CEMIP2: variants seen among roughly 807,000 people sequenced by gnomAD.
The protein encoded by CEMIP2 is cell migration inducing hyaluronidase 2, also known as cell surface hyaluronidase CEMIP2.
In CEMIP2, 79 loss-of-function variants were observed where a neutral mutation model predicts 146.9. The ratio of observed to expected loss-of-function variants is 0.54; its 90% CI spans 0.45 to 0.65. The LOEUF (loss-of-function observed/expected upper bound fraction) is 0.65, where lower values mean the gene tolerates loss of function less well. Ranked by LOEUF, CEMIP2 falls within the 30% of genes least tolerant of loss-of-function variation. The pLI, the probability that CEMIP2 is intolerant of heterozygous loss-of-function variation, is 0.00. For synonymous variants in CEMIP2, 601 were observed against 606.3 expected (o/e 0.99, Z 0.13); for missense variants, 1,596 against 1,696.2 (o/e 0.94, Z 1.04).
chr9:71,766,121 T>C (rs539193850), intron 1 of CEMIP2, among the ~76,000 whole-genome samples: 3 of 150,078 alleles, frequency 2.0e-5, no homozygotes, highest in South Asian at 4.2e-4. Flanking sequence ...TAGGTTGGAG[T>C]GTAGTGGCAC....
At chr9:71,750,541 A>G (rs1316429314) in intron 1 of CEMIP2, among the ~76,000 whole-genome samples, 156 bp from the exon 2 acceptor site, 1 of 152,038 alleles carries the variant, frequency 6.6e-6, no homozygotes, top group East Asian at 1.9e-4. Context: ...TCCCAGGTTC[A>G]AGTGATTCTC....
intron 21 of CEMIP2, 109 bp from the exon 22 acceptor site, chr9:71,690,355 T>C (rs1393235933): frequency 1.6e-5 from 21 of 1,329,098 alleles, no homozygotes; most frequent in Non-Finnish European, 2.0e-5. Context: ...TGATTCAAAG[T>C]ATATTTCCAA....
chr9:71,744,892 T>A, intron 4 of CEMIP2, 126 bp downstream of exon 4: 1 of 994,112 alleles, frequency 1.0e-6, no homozygotes, highest in Non-Finnish European at 1.5e-6. Context: ...CTACCAGACA[T>A]GCAAATGGTA....
chr9:71,700,493 A>T (rs1822527657), intron 19 of CEMIP2, 149 bp downstream of exon 19: 1 of 774,502 alleles, frequency 1.3e-6, no homozygotes, highest in Non-Finnish European at 2.0e-6. Context: ...GAGCCATTCT[A>T]GTTCCCCTCT....
chr9:71,747,941 T>G (rs1589162867), intron 2 of CEMIP2, among the ~76,000 whole-genome samples: 1 of 152,332 alleles, frequency 6.6e-6, no homozygotes, highest in African/African-American at 2.4e-5. Flanking sequence ...AGTATCACTA[T>G]TATACTAAAA....
chr9:71,737,645 A>G (rs956763434), intron 5 of CEMIP2, among the ~76,000 whole-genome samples: 1 of 152,132 alleles, frequency 6.6e-6, no homozygotes, highest in African/African-American at 2.4e-5. Context: ...CTCTAAGACT[A>G]TAAGCATGAG....
Position 71,746,317 on chromosome 9 carries a change from C to T in CEMIP2, c.356G>A (p.Arg119His), listed in dbSNP as rs150358386. ...PDENCPDQNP[R>H]LRNWDPGQDS... ...TTGTCCTGGATCCCAATTCCTGAGACGAGGATTTTGATCTGGGCAATTTTC... is the reference window on the plus strand; with the variant it reads ...TTGTCCTGGATCCCAATTCCTGAGATGAGGATTTTGATCTGGGCAATTTTC... The change falls in exon 3 of 24, where the codon CGT (arginine) becomes CAT (histidine). Residue 119 changes from arginine to histidine, a missense_variant. Coordinates refer to ENST00000377044, the MANE Select transcript of CEMIP2 (RefSeq NM_013390.3). The T allele has an allele frequency of 4.2e-5, 67 of 1,613,770 alleles. No homozygotes were observed. The highest frequency in any genetic ancestry group is 3.2e-4 in the African/African-American group (24 of 74,980).
chr9:71,724,638 T>C (rs1344777171), intron 11 of CEMIP2, among the ~76,000 whole-genome samples: 1 of 152,060 alleles, frequency 6.6e-6, no homozygotes, highest in African/African-American at 2.4e-5. Context: ...ATAAACCAAA[T>C]GTATTTATCA....
At chr9:71,702,833 T>G (rs984181949) in intron 18 of CEMIP2, among the ~76,000 whole-genome samples, 11 of 152,196 alleles carry the variant, frequency 7.2e-5, no homozygotes, top group Non-Finnish European at 1.5e-4. Context: ...GCTCAGCATT[T>G]TTTTTCACTT....
chr9:71,734,008 C>A (rs1411665155), intron 6 of CEMIP2, among the ~76,000 whole-genome samples: 1 of 151,952 alleles, frequency 6.6e-6, no homozygotes, highest in African/African-American at 2.4e-5. Context: ...CCATGCCTGG[C>A]TAATGTTTTT....
intron 20 of CEMIP2, among the ~76,000 whole-genome samples, chr9:71,697,045 A>C (rs926283068): frequency 3.3e-5 from 5 of 152,238 alleles, no homozygotes; most frequent in African/African-American, 1.2e-4. Context: ...AAAAATTATC[A>C]GTGGAACTCA....
chr9:71,695,918 C>T (rs551591995), intron 20 of CEMIP2, among the ~76,000 whole-genome samples: 2 of 152,008 alleles, frequency 1.3e-5, no homozygotes, highest in South Asian at 2.1e-4. Flanking sequence ...GACTTTGAGA[C>T]CAGCCTAGGC....
chr9:71,758,847 A>G (rs1824541353), intron 1 of CEMIP2, among the ~76,000 whole-genome samples: 1 of 152,210 alleles, frequency 6.6e-6, no homozygotes, highest in Non-Finnish European at 1.5e-5. Flanking sequence ...AAGATTTTCC[A>G]CAGGACATGC....
chr9:71,694,372 C>T, intron 21 of CEMIP2, 137 bp downstream of exon 21: 1 of 615,912 alleles, frequency 1.6e-6, no homozygotes. Context: ...ATCTGCCCAC[C>T]TTGGCCTCCC....
At position 71,745,668 on chromosome 9, in the gene CEMIP2, C is replaced by T. The variant is rs190893898; in HGVS notation, c.473-89G>A. The T allele has an allele frequency of 1.9e-4, 245 of 1,310,964 alleles. No homozygotes were observed. In the African/African-American group the frequency reaches 3.1e-3, roughly 16 times the overall value. 81.2% of individuals were successfully genotyped at this position (1,310,964 alleles called of 1,614,324 possible). On this transcript the variant is annotated intron_variant, in intron 3 of 23. Transcript: ENST00000377044. The stretch of plus-strand genomic sequence containing the variant: ...ATTTCACCTTAAGTTAAATACACTT[C>T]CGCAATTAGGTCGGAAAAAAGAATT...
chr9:71,692,463 G>C (rs1455755281), intron 21 of CEMIP2, among the ~76,000 whole-genome samples: 1 of 149,412 alleles, frequency 6.7e-6, no homozygotes, highest in African/African-American at 2.5e-5. Context: ...ACTCCCACCA[G>C]TTACCATGCT....
At chr9:71,762,753 G>C (rs900751610) in intron 1 of CEMIP2, among the ~76,000 whole-genome samples, 2 of 152,192 alleles carry the variant, frequency 1.3e-5, no homozygotes, top group East Asian at 3.9e-4. Context: ...GCTCACGCCT[G>C]TAATCCCACC....
chr9:71,739,968 G>T, intron 5 of CEMIP2, 95 bp downstream of exon 5: 1 of 1,155,916 alleles, frequency 8.7e-7, no homozygotes. Context: ...CTAACCAGGC[G>T]GACTGTCATT....
intron 1 of CEMIP2, among the ~76,000 whole-genome samples, chr9:71,764,977 C>CTAGCT (rs1302490217): frequency 6.6e-6 from 1 of 150,526 alleles, no homozygotes; most frequent in Admixed American, 6.7e-5. Context: ...AACAGAAGGG[C>CTAGCT]TAGCTTGGCT....
Sources: gnomAD v4.1 joint callset for allele counts (sites outside exome capture counted in the v4.1 genomes callset) on GRCh38, gnomAD v4.1.1 for gene constraint, MANE v1.5 for transcripts, NCBI Gene and HGNC (gene_info 2026-07-23, HGNC 2026-07-21) for gene names.